The following CBFA2T2 variants were observed in gnomAD, a reference collection of about 807,000 sequenced individuals.
CBFA2T2 encodes the protein protein CBFA2T2.
CBFA2T2 carries 11 observed loss-of-function variants against 62.2 expected under a neutral mutation model. That is an observed-to-expected ratio of 0.18 (90% CI 0.11 to 0.29). CBFA2T2 has a LOEUF of 0.29. CBFA2T2 is among the 10% of genes least tolerant of loss of function. The probability of loss-of-function intolerance (pLI) is 1.00; values close to 1 mark genes in which losing one functional copy is unlikely to be tolerated. For synonymous variants in CBFA2T2, 295 were observed against 287.5 expected, an observed-to-expected ratio of 1.03 and a Z score of -0.27; for missense variants, 592 against 774.1, an observed-to-expected ratio of 0.76 and a Z score of 2.79.
At chr20:33,526,580 C>T (rs1050753096) in intron 1 of CBFA2T2, among the ~76,000 whole-genome samples, 1 of 152,112 alleles carries the variant, frequency 6.6e-6, no homozygotes, top group African/African-American at 2.4e-5. Context: ...GTTTTCATTT[C>T]TCTCACTGCG....
At chr20:33,555,712 T>G (rs1004096783) in intron 1 of CBFA2T2, among the ~76,000 whole-genome samples, 5 of 152,248 alleles carry the variant, frequency 3.3e-5, no homozygotes, top group African/African-American at 1.2e-4. Flanking sequence ...GATACCATAC[T>G]ATTAACCTGA....
At chr20:33,513,058 G>A (rs1361243530) in intron 1 of CBFA2T2, among the ~76,000 whole-genome samples, 1 of 152,084 alleles carries the variant, frequency 6.6e-6, no homozygotes, top group East Asian at 1.9e-4. Flanking sequence ...GGCCACGTAT[G>A]TATGTCTTTT....
intron 1 of CBFA2T2, among the ~76,000 whole-genome samples, chr20:33,540,387 G>A (rs547153258): frequency 6.6e-6 from 1 of 152,240 alleles, no homozygotes; most frequent in African/African-American, 2.4e-5. Flanking sequence ...ACCTGTAATA[G>A]TAGCTAACAG....
chr20:33,624,462 C>T (rs1278989659), intron 5 of CBFA2T2, among the ~76,000 whole-genome samples: 2 of 152,110 alleles, frequency 1.3e-5, no homozygotes, highest in Admixed American at 6.5e-5. Flanking sequence ...TATGGTTGAA[C>T]CCGTAACTCA....
At chr20:33,531,058 G>C (rs1393247020) in intron 1 of CBFA2T2, among the ~76,000 whole-genome samples, 1 of 152,074 alleles carries the variant, frequency 6.6e-6, no homozygotes, top group Non-Finnish European at 1.5e-5. Context: ...ACTCCAACCT[G>C]GGCAACAGAG....
chr20:33,566,722 T>C (rs535651311), intron 1 of CBFA2T2, among the ~76,000 whole-genome samples: 1 of 152,302 alleles, frequency 6.6e-6, no homozygotes, highest in East Asian at 1.9e-4. Context: ...CAGGAAGGAT[T>C]TGGACTTCTC....
intron 3 of CBFA2T2, among the ~76,000 whole-genome samples, chr20:33,618,069 C>T (rs1245538419): frequency 6.6e-6 from 1 of 151,906 alleles, no homozygotes; most frequent in Non-Finnish European, 1.5e-5. Context: ...CCTTTTCTGC[C>T]TTAATGCGTA....
intron 1 of CBFA2T2, among the ~76,000 whole-genome samples, chr20:33,549,057 A>G (rs2012658800): frequency 6.6e-6 from 1 of 152,226 alleles, no homozygotes; most frequent in Non-Finnish European, 1.5e-5. Flanking sequence ...AAACCACGGG[A>G]GTTCTAGAAG....
At chr20:33,526,534 C>T (rs2011892089) in intron 1 of CBFA2T2, among the ~76,000 whole-genome samples, 1 of 152,290 alleles carries the variant, frequency 6.6e-6, no homozygotes, top group Non-Finnish European at 1.5e-5. Flanking sequence ...AATAAAGCCA[C>T]TATAAACATT....
Position 33,607,113 on chromosome 20 carries a change from G to GTTACT in CBFA2T2, c.178+16_178+20dup. On this transcript the variant is annotated intron_variant, in intron 2 of 10. Transcript: ENST00000342704. Reference sequence around the variant, plus strand: ...CTCCTACTGCATGTGAGACCTCTTAGTTACTTATGTTTGTAGTTCAGAGTG... The same window carrying GTTACT: ...CTCCTACTGCATGTGAGACCTCTTAGTTACTTTACTTATGTTTGTAGTTCAGAGTG... 1 of 1,609,646 alleles carries GTTACT rather than the reference G, an allele frequency of 6.2e-7. No individual in the cohort carries two copies. Among genetic ancestry groups the GTTACT allele is most frequent in the East Asian group, 2.2e-5 (1 of 44,764 alleles).
chr20:33,510,757 G>A (rs1243760659), intron 1 of CBFA2T2, among the ~76,000 whole-genome samples: 2 of 152,172 alleles, frequency 1.3e-5, no homozygotes, highest in Non-Finnish European at 2.9e-5. Context: ...CACCCACAGT[G>A]TAAAAGCATT....
chr20:33,505,265 A>C (rs1315558156), intron 1 of CBFA2T2, among the ~76,000 whole-genome samples: 2 of 152,212 alleles, frequency 1.3e-5, no homozygotes, highest in African/African-American at 4.8e-5. Flanking sequence ...TTTTACCTCA[A>C]ATTCATAAGC....
chr20:33,543,815 AAATT>A (rs1338653266), intron 1 of CBFA2T2, among the ~76,000 whole-genome samples: 1 of 152,036 alleles, frequency 6.6e-6, no homozygotes, highest in African/African-American at 2.4e-5. Flanking sequence ...ACTGATAACT[AAATT>A]AAATTAAATT....
At chr20:33,623,954 G>GAAAAAAAA (rs761906454) in intron 5 of CBFA2T2, 2 of 320,976 alleles carry the variant, frequency 6.2e-6, no homozygotes, top group Non-Finnish European at 5.4e-6. Context: ...GAAAGAATTG[G>GAAAAAAAA]AAAAAAAAAA....
At chr20:33,520,776 G>GA (rs2011705657) in intron 1 of CBFA2T2, among the ~76,000 whole-genome samples, 2 of 151,676 alleles carry the variant, frequency 1.3e-5, no homozygotes, top group Non-Finnish European at 1.5e-5. Flanking sequence ...TCTCAAAAAT[G>GA]AAAAAAAGAA....
intron 8 of CBFA2T2, among the ~76,000 whole-genome samples, chr20:33,633,529 A>C (rs1352533366): frequency 6.6e-6 from 1 of 152,230 alleles, no homozygotes; most frequent in African/African-American, 2.4e-5. Flanking sequence ...AAATTAATGC[A>C]ATGTAGGTTT....
At chr20:33,640,608 G>T in intron 10 of CBFA2T2, 77 bp downstream of exon 10, 1 of 1,355,950 alleles carries the variant, frequency 7.4e-7, no homozygotes, top group Non-Finnish European at 1.0e-6. Context: ...CATACGCTGG[G>T]CAGGAAGACA....
chr20:33,611,002 A>G, intron 2 of CBFA2T2, 92 bp from the exon 3 acceptor site: 5 of 1,524,678 alleles, frequency 3.3e-6, no homozygotes, highest in Non-Finnish European at 3.6e-6. Flanking sequence ...ACAAAATTCA[A>G]ATGAACAAAC....
At chr20:33,490,352 G>C in intron 1 of CBFA2T2, 51 bp downstream of exon 1, 1 of 1,257,276 alleles carries the variant, frequency 8.0e-7, no homozygotes, top group Non-Finnish European at 1.0e-6. Context: ...GAGGGCCTGC[G>C]GCTCCGCAGG....
Sources: gnomAD v4.1 joint callset for allele counts (sites outside exome capture counted in the v4.1 genomes callset) on GRCh38, gnomAD v4.1.1 for gene constraint, MANE v1.5 for transcripts, NCBI Gene and HGNC (gene_info 2026-07-23, HGNC 2026-07-21) for gene names.